TMTC1: variants seen among roughly 807,000 people sequenced by gnomAD.
TMTC1 encodes the protein protein O-mannosyl-transferase TMTC1.
Under a neutral mutation model 104.8 loss-of-function variants are expected in TMTC1, and 73 were observed. The ratio of observed to expected loss-of-function variants is 0.70; its 90% CI spans 0.58 to 0.85. The LOEUF is 0.85. Ranked by LOEUF, TMTC1 falls within the 40% of genes least tolerant of loss-of-function variation. The pLI, the probability that TMTC1 is intolerant of heterozygous loss-of-function variation, is 0.00. For synonymous variants in TMTC1, 434 were observed against 428.7 expected, an observed-to-expected ratio of 1.01 and a Z score of -0.15; for missense variants, 1,035 against 1,096.1, an observed-to-expected ratio of 0.94 and a Z score of 0.79.
chr12:29,684,654 T>G (rs11050369), intron 5 of TMTC1, among the ~76,000 whole-genome samples: 21,053 of 152,198 alleles, frequency 0.14, 1,738 homozygotes, highest in East Asian at 0.34. Flanking sequence ...GGTGTGTAAT[T>G]CTGTATAAGA....
chr12:29,600,880 T>A (rs1157087063), intron 7 of TMTC1, among the ~76,000 whole-genome samples: 1 of 152,198 alleles, frequency 6.6e-6, no homozygotes, highest in Non-Finnish European at 1.5e-5. Flanking sequence ...CAGAAAAAGA[T>A]GACTTAGTGA....
intron 2 of TMTC1, among the ~76,000 whole-genome samples, chr12:29,759,847 T>C (rs908169938): frequency 1.3e-5 from 2 of 152,042 alleles, no homozygotes; most frequent in Non-Finnish European, 2.9e-5. Flanking sequence ...CTTAAGGCAA[T>C]TTGAATATTA....
rs140287683 is a variant in TMTC1, at chr12:29,636,726, G to A, written c.939-3390C>T. Among the ~76,000 whole-genome samples, 186 of 151,892 alleles carry A rather than the reference G, an allele frequency of 1.2e-3. 2 individuals are homozygous for A. The South Asian group carries it at 0.028, about 23-fold the overall frequency. On this transcript the variant is annotated intron_variant, in intron 5 of 17. Transcript: ENST00000539277. ...CCAGCTATTTGGGAGGCTGAGGCAG[G>A]GGAATCTCTTGAACCTGGGAGGTGG...
At chr12:29,605,509 G>GA (rs890492321) in intron 6 of TMTC1, among the ~76,000 whole-genome samples, 1 of 80,880 alleles carries the variant, frequency 1.2e-5, no homozygotes, top group African/African-American at 5.0e-5. Flanking sequence ...TTTAAAGGAA[G>GA]AAAAAAATAG....
intron 10 of TMTC1, among the ~76,000 whole-genome samples, chr12:29,544,570 C>G (rs559780012): frequency 6.6e-6 from 1 of 152,290 alleles, no homozygotes; most frequent in East Asian, 1.9e-4. Context: ...TGCTCTGCAC[C>G]CAGGCAGTGG....
At chr12:29,713,526 A>C (rs1352325418) in intron 5 of TMTC1, among the ~76,000 whole-genome samples, 2 of 152,090 alleles carry the variant, frequency 1.3e-5, no homozygotes, top group African/African-American at 4.8e-5. Flanking sequence ...AATTTGCAAA[A>C]TGTTTACACA....
chr12:29,558,281 T>C (rs541124375), intron 9 of TMTC1, among the ~76,000 whole-genome samples: 4 of 152,242 alleles, frequency 2.6e-5, no homozygotes, highest in African/African-American at 9.6e-5. Context: ...AACGCCCAAG[T>C]AATAAAAACG....
At chr12:29,603,348 ACTGCCTTTTAGGAAAGTT>A (rs1473628897) in intron 7 of TMTC1, among the ~76,000 whole-genome samples, 1 of 152,060 alleles carries the variant, frequency 6.6e-6, no homozygotes, top group Non-Finnish European at 1.5e-5. Flanking sequence ...GGTTTATGAT[ACTGCCTTTTAGGAAAGTT>A]CATACTTATA....
intron 10 of TMTC1, among the ~76,000 whole-genome samples, chr12:29,548,849 AT>A (rs1210397304): frequency 1.5e-5 from 1 of 66,370 alleles, no homozygotes; most frequent in East Asian, 3.4e-4. Context: ...TATCTAAAAT[AT>A]ATAATATATA....
intron 4 of TMTC1, 102 bp from the exon 5 acceptor site, chr12:29,751,974 G>T: frequency 9.2e-7 from 1 of 1,082,938 alleles, no homozygotes; most frequent in East Asian, 2.6e-5. Flanking sequence ...TTGCTTCCTG[G>T]AAACAACCAT....
chr12:29,664,151 C>T (rs1263702044), intron 5 of TMTC1, among the ~76,000 whole-genome samples: 7 of 150,434 alleles, frequency 4.7e-5, no homozygotes, highest in African/African-American at 4.9e-5. Context: ...CCCGCCACTG[C>T]ACTCCAGCCT....
intron 11 of TMTC1, among the ~76,000 whole-genome samples, chr12:29,527,218 T>C (rs1034705932): frequency 6.6e-6 from 1 of 152,254 alleles, no homozygotes; most frequent in African/African-American, 2.4e-5. Flanking sequence ...AAAGCATTTA[T>C]TCCTTGAGGG....
chr12:29,719,198 CTATT>C (rs1403363351), intron 5 of TMTC1, among the ~76,000 whole-genome samples: 1 of 152,064 alleles, frequency 6.6e-6, no homozygotes, highest in African/African-American at 2.4e-5. Context: ...CAGATAATCT[CTATT>C]TATAAAGTCT....
At chr12:29,753,823 A>G (rs1037018638) in intron 4 of TMTC1, among the ~76,000 whole-genome samples, 1 of 152,136 alleles carries the variant, frequency 6.6e-6, no homozygotes, top group South Asian at 2.1e-4. Flanking sequence ...AAAAGAATGA[A>G]TGCCTCCACT....
intron 7 of TMTC1, among the ~76,000 whole-genome samples, chr12:29,594,811 A>G (rs1946366080): frequency 6.6e-6 from 1 of 152,134 alleles, no homozygotes. Context: ...CCCCTTCAAT[A>G]TGGCATTGCA....
intron 6 of TMTC1, among the ~76,000 whole-genome samples, chr12:29,616,583 G>A (rs751516026): frequency 3.3e-5 from 5 of 150,114 alleles, no homozygotes; most frequent in South Asian, 2.1e-4. Flanking sequence ...CAGGAGAATC[G>A]CTTGAATCCG....
At chr12:29,652,898 C>A (rs1452432892) in intron 5 of TMTC1, among the ~76,000 whole-genome samples, 1 of 152,030 alleles carries the variant, frequency 6.6e-6, no homozygotes, top group African/African-American at 2.4e-5. Flanking sequence ...CCCGTTTCTA[C>A]TAAAAATACA....
chr12:29,615,359 G>A (rs2136440680), intron 6 of TMTC1, among the ~76,000 whole-genome samples: 1 of 152,152 alleles, frequency 6.6e-6, no homozygotes, highest in East Asian at 1.9e-4. Context: ...TCTTGAGGCA[G>A]CCACATCTCA....
At chr12:29,546,893 C>A (rs1944957458) in intron 10 of TMTC1, among the ~76,000 whole-genome samples, 1 of 109,794 alleles carries the variant, frequency 9.1e-6, no homozygotes, top group African/African-American at 2.6e-5. Context: ...ATAGTGAGTC[C>A]TTTTCTCTTA....
Sources: allele counts gnomAD v4.1 joint callset (sites outside exome capture counted in the v4.1 genomes callset), GRCh38; gene constraint gnomAD v4.1.1; transcripts MANE v1.5; gene names NCBI Gene and HGNC (gene_info 2026-07-23, HGNC 2026-07-21).